The following DOCK2 variants were observed in gnomAD, a reference collection of about 807,000 sequenced individuals.
DOCK2 encodes dedicator of cytokinesis 2, also known as dedicator of cytokinesis protein 2.
DOCK2 carries 87 observed loss-of-function variants against 248.9 expected under a neutral mutation model. The ratio of observed to expected loss-of-function variants is 0.35; its 90% CI spans 0.29 to 0.42. The LOEUF (loss-of-function observed/expected upper bound fraction) is 0.42, where lower values mean the gene tolerates loss of function less well. Ranked by LOEUF, DOCK2 falls within the 10% of genes least tolerant of loss-of-function variation. DOCK2 has a pLI of 1.00. For synonymous variants in DOCK2, 805 were observed against 821.6 expected, an observed-to-expected ratio of 0.98 and a Z score of 0.35; for missense variants, 1,747 against 2,300.2, an observed-to-expected ratio of 0.76 and a Z score of 4.92.
intron 27 of DOCK2, among the ~76,000 whole-genome samples, chr5:169,873,449 C>T (rs1772113725): frequency 1.3e-5 from 2 of 152,166 alleles, no homozygotes. Context: ...TGGCTCAGTC[C>T]ATATTGGAAT....
At position 170,063,228 on chromosome 5, in the gene DOCK2, C is replaced by A. The variant is rs545328074; in HGVS notation, c.4468-4282C>A. Reference sequence around the variant, plus strand: ...GAGAAAGGGCTTAAAAAATTGCAACCCCCTATTCCTCCCTAGATGAGGTTT... The same window carrying A: ...GAGAAAGGGCTTAAAAAATTGCAACACCCTATTCCTCCCTAGATGAGGTTT... On this transcript the variant is annotated intron_variant, in intron 44 of 51. Coordinates refer to ENST00000520908, the MANE Select transcript of DOCK2 (RefSeq NM_004946.3). 5.9e-5 allele frequency among the ~76,000 whole-genome samples: 9 copies of A among 152,256 alleles called. 1 individual carries two copies. Among genetic ancestry groups the A allele is most frequent in the African/African-American group, 1.9e-4 (8 of 41,540 alleles).
chr5:169,691,350 G>A (rs537001992), intron 9 of DOCK2, among the ~76,000 whole-genome samples: 1 of 152,278 alleles, frequency 6.6e-6, no homozygotes, highest in East Asian at 1.9e-4. Flanking sequence ...TTTGGGTGGG[G>A]ACAGTGATCC....
At chr5:169,710,793 G>A (rs533673185) in intron 15 of DOCK2, among the ~76,000 whole-genome samples, 4 of 152,098 alleles carry the variant, frequency 2.6e-5, no homozygotes, top group Non-Finnish European at 1.5e-5. Flanking sequence ...TTGATGACCC[G>A]GTCAACTCTG....
chr5:169,896,182 G>GA (rs1392829661), intron 27 of DOCK2, among the ~76,000 whole-genome samples: 1 of 152,142 alleles, frequency 6.6e-6, no homozygotes, highest in Non-Finnish European at 1.5e-5. Context: ...TGGGGTCGGG[G>GA]GGCGGGGAGG....
At position 169,961,978 on chromosome 5, in the gene DOCK2, C is replaced by CAAAAAAAA. The variant is rs70979150; in HGVS notation, c.2800-21080_2800-21073dup. The stretch of plus-strand genomic sequence containing the variant: ...TGGGTGAAAAAGTGAGACTCTGTCC[C>CAAAAAAAA]AAAAAAAAAAAAAAAAATGGAGAAA... On this transcript the variant is annotated intron_variant, in intron 27 of 51. Transcript: ENST00000520908. 3.6e-3 allele frequency among the ~76,000 whole-genome samples: 267 copies of CAAAAAAAA among 74,610 alleles called. 58 individuals carry two copies. The South Asian group carries it at 0.051, about 14-fold the overall frequency. 48.9% of individuals were successfully genotyped at this position (74,610 alleles called of 152,430 possible).
Position 169,654,498 on chromosome 5 carries a change from G to C in DOCK2, c.127+12G>C. Reference sequence around the variant, plus strand: ...GGAGACGTGTGGAGGTGAGTCACTGGCCCACGCCCCAAGTGCTGGACCCTT... The same window carrying C: ...GGAGACGTGTGGAGGTGAGTCACTGCCCCACGCCCCAAGTGCTGGACCCTT... On this transcript the variant is annotated intron_variant, in intron 2 of 51. Transcript: ENST00000520908. 1.2e-6 allele frequency: 2 copies of C among 1,613,966 alleles called. No homozygotes were observed. The highest frequency in any genetic ancestry group is 4.5e-5 in the East Asian group (2 of 44,886).
At chr5:169,779,148 C>T (rs1018271976) in intron 25 of DOCK2, among the ~76,000 whole-genome samples, 2 of 152,134 alleles carry the variant, frequency 1.3e-5, no homozygotes, top group Non-Finnish European at 2.9e-5. Flanking sequence ...ACAGTACAAA[C>T]ATTGACCTGA....
intron 27 of DOCK2, among the ~76,000 whole-genome samples, chr5:169,862,600 A>G (rs952222025): frequency 6.6e-6 from 1 of 152,248 alleles, no homozygotes; most frequent in Non-Finnish European, 1.5e-5. Flanking sequence ...TAATTCTAAC[A>G]TGACGTTATA....
intron 33 of DOCK2, among the ~76,000 whole-genome samples, chr5:170,019,688 G>A (rs147207700): frequency 5.6e-4 from 85 of 152,268 alleles, no homozygotes; most frequent in African/African-American, 1.5e-3. Context: ...TGAATATTTC[G>A]TCAAACTTGG....
intron 34 of DOCK2, among the ~76,000 whole-genome samples, chr5:170,028,315 C>T (rs1237490941): frequency 6.6e-6 from 1 of 152,228 alleles, no homozygotes; most frequent in Non-Finnish European, 1.5e-5. Flanking sequence ...CACTTAATAA[C>T]TTAGCATGCT....
At chr5:169,743,696 A>G (rs952351579) in intron 22 of DOCK2, among the ~76,000 whole-genome samples, 4 of 151,956 alleles carry the variant, frequency 2.6e-5, no homozygotes, top group Non-Finnish European at 5.9e-5. Flanking sequence ...AAAGCGCTTT[A>G]TATGAAATAG....
rs182764937 is a variant in DOCK2 at position 169,914,771 on chromosome 5, A to G, written c.2800-68297A>G. On this transcript the variant is annotated intron_variant, in intron 27 of 51. Coordinates refer to ENST00000520908, the MANE Select transcript of DOCK2 (RefSeq NM_004946.3). ...AGGGTCTTTTAGCCACCTTTGCCTC[A>G]ACCATGCCTTCTCATGCCCAGCCAG... Among the ~76,000 whole-genome samples the G allele has an allele frequency of 2.0e-3, 309 of 152,314 alleles. 2 individuals carry two copies. Among genetic ancestry groups the G allele is most frequent in the Middle Eastern group, 3.4e-3 (1 of 294 alleles).
chr5:169,839,905 G>A (rs930281275), intron 26 of DOCK2, among the ~76,000 whole-genome samples: 7 of 152,080 alleles, frequency 4.6e-5, no homozygotes, highest in Admixed American at 2.0e-4. Flanking sequence ...TGGCATTTCC[G>A]TTACCTGTAT....
At chr5:169,952,380 G>T (rs1240564550) in intron 27 of DOCK2, among the ~76,000 whole-genome samples, 1 of 151,994 alleles carries the variant, frequency 6.6e-6, no homozygotes, top group Non-Finnish European at 1.5e-5. Context: ...CTCCTGCTTG[G>T]TTCTCTTTCC....
intron 22 of DOCK2, among the ~76,000 whole-genome samples, chr5:169,735,535 C>T (rs911488640): frequency 1.3e-5 from 2 of 152,168 alleles, no homozygotes; most frequent in Non-Finnish European, 2.9e-5. Context: ...TCATTGCCCA[C>T]GTATTTTGTG....
At chr5:169,982,068 CTTT>C (rs59193932) in intron 27 of DOCK2, among the ~76,000 whole-genome samples, 16 of 126,228 alleles carry the variant, frequency 1.3e-4, no homozygotes, top group Non-Finnish European at 1.2e-4. Context: ...GGTAAAAATG[CTTT>C]TTTTTTTTTT....
intron 27 of DOCK2, among the ~76,000 whole-genome samples, chr5:169,915,557 AACACACACACACACACACACACACAC>A (rs56728646): frequency 7.0e-6 from 1 of 143,384 alleles, no homozygotes; most frequent in Non-Finnish European, 1.5e-5. Flanking sequence ...ATTGACAGGG[AACACACACACACACACACACACACAC>A]ACACACACAC....
At chr5:170,035,385 C>T (rs891097182) in intron 35 of DOCK2, among the ~76,000 whole-genome samples, 2 of 152,178 alleles carry the variant, frequency 1.3e-5, no homozygotes, top group African/African-American at 4.8e-5. Context: ...CCTCCCTTTA[C>T]CCTAAATAGA....
chr5:169,859,559 A>G (rs1468797656), intron 27 of DOCK2, among the ~76,000 whole-genome samples: 1 of 152,266 alleles, frequency 6.6e-6, no homozygotes, highest in Non-Finnish European at 1.5e-5. Context: ...TGCCTTGAGC[A>G]GCTTAAAATG....
Sources: allele counts gnomAD v4.1 joint callset (sites outside exome capture counted in the v4.1 genomes callset), GRCh38; gene constraint gnomAD v4.1.1; transcripts MANE v1.5; gene names NCBI Gene and HGNC (gene_info 2026-07-23, HGNC 2026-07-21).